Variants in SNX25 observed in about 807,000 individuals in gnomAD.
SNX25 encodes sorting nexin 25.
In SNX25, 62 loss-of-function variants were observed where a neutral mutation model predicts 113.7. That is an observed-to-expected ratio of 0.55 (90% CI 0.44 to 0.67). The LOEUF is 0.67. Among genes scored for constraint, SNX25 ranks in the 30% least tolerant of loss-of-function variants. The pLI, the probability that SNX25 is intolerant of heterozygous loss-of-function variation, is 0.00. For synonymous variants in SNX25, 421 were observed against 436.2 expected, an observed-to-expected ratio of 0.97 and a Z score of 0.43; for missense variants, 1,014 against 1,161.0, an observed-to-expected ratio of 0.87 and a Z score of 1.84.
chr4:185,345,032 CAGG>C (rs1418069787), intron 12 of SNX25, among the ~76,000 whole-genome samples: 2 of 152,098 alleles, frequency 1.3e-5, no homozygotes, highest in Non-Finnish European at 2.9e-5. Context: ...TGTATCAAAA[CAGG>C]AGGAAAAAGA....
chr4:185,352,574 A>G (rs956802710), intron 14 of SNX25, among the ~76,000 whole-genome samples: 27 of 152,116 alleles, frequency 1.8e-4, no homozygotes, highest in African/African-American at 5.8e-4. Flanking sequence ...GAGTTAATAT[A>G]TGACTCAGTC....
At chr4:185,246,633 A>T (rs1180850076) in intron 1 of SNX25, among the ~76,000 whole-genome samples, 1 of 152,174 alleles carries the variant, frequency 6.6e-6, no homozygotes, top group Admixed American at 6.5e-5. Context: ...ACATTGTTAC[A>T]GATACTGTCT....
downstream of SNX25, chr4:185,372,862 G>GA: frequency 6.2e-7 from 1 of 1,600,168 alleles, no homozygotes. Flanking sequence ...TCACCTTTTG[G>GA]AAAATGCAAC....
At chr4:185,318,054 A>G (rs913142534) in intron 7 of SNX25, among the ~76,000 whole-genome samples, 1 of 152,200 alleles carries the variant, frequency 6.6e-6, no homozygotes, top group Non-Finnish European at 1.5e-5. Flanking sequence ...TAAAAAAGAA[A>G]GAAAATGCCT....
intron 7 of SNX25, among the ~76,000 whole-genome samples, chr4:185,315,228 A>T (rs2095062994): frequency 8.0e-6 from 1 of 124,438 alleles, no homozygotes; most frequent in Non-Finnish European, 1.8e-5. Context: ...ACTCCATCTC[A>T]AAAAAAAAGA....
chr4:185,286,984 C>G (rs898294765), intron 5 of SNX25, among the ~76,000 whole-genome samples: 2 of 152,180 alleles, frequency 1.3e-5, no homozygotes, highest in Non-Finnish European at 2.9e-5. Context: ...TCTTAGAACA[C>G]TGCACGGTTT....
At chr4:185,249,744 C>T (rs1393136789) in intron 2 of SNX25, among the ~76,000 whole-genome samples, 1 of 151,884 alleles carries the variant, frequency 6.6e-6, no homozygotes, top group Admixed American at 6.6e-5. Context: ...TTTTATTGCA[C>T]ACTTTGTGCT....
At chr4:185,277,772 G>T (rs1236207823) in intron 5 of SNX25, among the ~76,000 whole-genome samples, 1 of 71,032 alleles carries the variant, frequency 1.4e-5, no homozygotes, top group African/African-American at 5.6e-5. Context: ...TCGCTCTGTC[G>T]CCCAGGCTGG....
At chr4:185,241,846 A>G (rs1375556489) in intron 1 of SNX25, among the ~76,000 whole-genome samples, 3 of 152,166 alleles carry the variant, frequency 2.0e-5, no homozygotes, top group Non-Finnish European at 4.4e-5. Context: ...CCTGAAGCCT[A>G]TGCTAGCATA....
At chr4:185,310,504 T>G (rs1281196472) in intron 6 of SNX25, 131 bp from the exon 7 acceptor site, 14 of 591,854 alleles carry the variant, frequency 2.4e-5, no homozygotes, top group Non-Finnish European at 3.9e-5. Flanking sequence ...TATCATGGAT[T>G]CTGTTCTGTT....
chr4:185,310,257 A>G (rs1320374693), intron 6 of SNX25, among the ~76,000 whole-genome samples: 1 of 152,200 alleles, frequency 6.6e-6, no homozygotes. Context: ...TCAATCTCAA[A>G]AGCCTAGCTG....
intron 9 of SNX25, among the ~76,000 whole-genome samples, chr4:185,325,532 C>A (rs79276215): frequency 0.019 from 2,081 of 111,000 alleles, no homozygotes; most frequent in African/African-American, 0.036. Context: ...GACTCCGTCT[C>A]AAAAAAAAAA....
upstream of SNX25, among the ~76,000 whole-genome samples, chr4:185,205,747 T>C (rs1237166950): frequency 6.6e-6 from 1 of 152,210 alleles, no homozygotes; most frequent in Non-Finnish European, 1.5e-5. Flanking sequence ...AAGAATCGCT[T>C]GAACCCAGGA....
chr4:185,217,271 A>G lies in SNX25; in HGVS notation c.429+7016A>G, dbSNP rs1336981970. Among the ~76,000 whole-genome samples the G allele has an allele frequency of 2.0e-5, 3 of 152,282 alleles. No homozygotes were observed. In the East Asian group the frequency reaches 5.8e-4, roughly 29 times the overall value. Reference sequence around the variant, plus strand: ...GTGTCTTGGGAAAAAAAAAAGAGAAATACTGTGTAGCTGCAATGATAAAAA... The same window carrying G: ...GTGTCTTGGGAAAAAAAAAAGAGAAGTACTGTGTAGCTGCAATGATAAAAA... On this transcript the variant is annotated intron_variant, in intron 1 of 18. Transcript: ENST00000652585.
intron 2 of SNX25, among the ~76,000 whole-genome samples, chr4:185,255,603 T>C (rs1746298921): frequency 1.3e-5 from 2 of 152,320 alleles, no homozygotes; most frequent in Admixed American, 1.3e-4. Flanking sequence ...TATTTTTTCA[T>C]GTAAATGTGT....
At chr4:185,269,341 G>A (rs898898171) in intron 5 of SNX25, among the ~76,000 whole-genome samples, 6 of 152,086 alleles carry the variant, frequency 3.9e-5, no homozygotes, top group African/African-American at 7.2e-5. Context: ...TGGTGTTTTC[G>A]TGCCTGCTGT....
At chr4:185,292,143 C>T (rs117600297) in intron 6 of SNX25, among the ~76,000 whole-genome samples, 1 of 152,108 alleles carries the variant, frequency 6.6e-6, no homozygotes, top group East Asian at 1.9e-4. Flanking sequence ...AACACTTTGG[C>T]AAAAAGTAGA....
At chr4:185,377,002 A>AT in the SNX25 span, 6 of 1,611,324 alleles carry the variant, frequency 3.7e-6, no homozygotes, top group African/African-American at 8.0e-5. Flanking sequence ...TATCCACCAA[A>AT]TTAGCATGGG....
intron 8 of SNX25, among the ~76,000 whole-genome samples, chr4:185,322,971 A>G (rs1183890916): frequency 1.3e-5 from 2 of 152,254 alleles, no homozygotes; most frequent in African/African-American, 4.8e-5. Flanking sequence ...ATGTTAATCC[A>G]AAGAGATGTT....
Sources: allele counts gnomAD v4.1 joint callset (sites outside exome capture counted in the v4.1 genomes callset), GRCh38; gene constraint gnomAD v4.1.1; transcripts MANE v1.5; gene names NCBI Gene and HGNC (gene_info 2026-07-23, HGNC 2026-07-21).